CUL2: variants seen among roughly 807,000 people sequenced by gnomAD.
The protein encoded by CUL2 is cullin-2.
Under a neutral mutation model 110.2 loss-of-function variants are expected in CUL2, and 22 were observed. The ratio of observed to expected loss-of-function variants is 0.20; its 90% CI spans 0.14 to 0.28. The LOEUF (loss-of-function observed/expected upper bound fraction) is 0.28, where lower values mean the gene tolerates loss of function less well. CUL2 is among the 10% of genes least tolerant of loss of function. The probability of loss-of-function intolerance (pLI) is 1.00; values close to 1 mark genes in which losing one functional copy is unlikely to be tolerated. For missense variants in CUL2, 631 were observed against 905.5 expected, an observed-to-expected ratio of 0.70 and a Z score of 3.89; for synonymous variants, 279 against 293.2, an observed-to-expected ratio of 0.95 and a Z score of 0.49.
intron 2 of CUL2, chr10:35,097,963 AAATT>A (rs1425976380): frequency 6.6e-6 from 1 of 152,076 alleles, no homozygotes; most frequent in Non-Finnish European, 1.5e-5. Flanking sequence ...TGACTCAAAA[AAATT>A]AATTAATTAA....
intron 1 of CUL2, among the ~76,000 whole-genome samples, chr10:35,115,267 A>G (rs562903466): frequency 6.6e-6 from 1 of 151,312 alleles, no homozygotes; most frequent in East Asian, 2.0e-4. Context: ...AATGGAGCAC[A>G]AAGAGAAAAC....
intron 2 of CUL2, among the ~76,000 whole-genome samples, chr10:35,099,994 C>T (rs1006675295): frequency 2.6e-5 from 4 of 151,894 alleles, no homozygotes; most frequent in Non-Finnish European, 4.4e-5. Flanking sequence ...TTTCTAGAGA[C>T]AGAGTCTTGC....
chr10:35,078,420 C>G (rs1392628820), intron 1 of CUL2, among the ~76,000 whole-genome samples: 3 of 151,920 alleles, frequency 2.0e-5, no homozygotes, highest in African/African-American at 7.3e-5. Context: ...CTCAGCCTCC[C>G]AAGTAGCTGG....
intron 4 of CUL2, among the ~76,000 whole-genome samples, chr10:35,060,286 A>C (rs574105944): frequency 6.6e-6 from 1 of 152,266 alleles, no homozygotes; most frequent in Admixed American, 6.5e-5. Flanking sequence ...AAAAAAGGAC[A>C]AAATAAAAGA....
intron 8 of CUL2, among the ~76,000 whole-genome samples, chr10:35,044,133 C>T (rs1324750576): frequency 6.7e-6 from 1 of 150,292 alleles, no homozygotes; most frequent in South Asian, 2.1e-4. Flanking sequence ...AAAAGAGTGA[C>T]TCATCCAAAT....
rs1292627589 is a variant in CUL2, at chr10:35,075,519, A to C, written c.-22-4180T>G. Among the ~76,000 whole-genome samples, 4 of 152,092 alleles carry C rather than the reference A, an allele frequency of 2.6e-5. No homozygotes were observed. In the East Asian group the frequency reaches 7.7e-4, roughly 29 times the overall value. ...GTGTCCCATCAAGTTAACTGCAAAA[A>C]TCCAAATCTCCTGAAATCACCACAG... is the stretch of plus-strand genomic sequence containing the variant. On this transcript the variant is annotated intron_variant, in intron 1 of 20. Coordinates refer to ENST00000374749, the MANE Select transcript of CUL2 (RefSeq NM_003591.4).
rs549643427 is a variant in CUL2 at position 35,029,338 on chromosome 10, T to C, written c.1539+150A>G. ...TCTGAAAGTGCTGGGATTACAGGCA[T>C]AAGCCACCACGCCCAGCCCAAATCA... On this transcript the variant is annotated intron_variant, in intron 15 of 20. Transcript: ENST00000374749. 7.3e-6 allele frequency: 4 copies of C among 546,664 alleles called. No individual in the cohort carries two copies. The South Asian group carries it at 1.3e-4, about 18-fold the overall frequency. The allele number at this position is 546,664 out of a possible 1,614,324, so 33.9% of individuals were successfully genotyped here. A position where few individuals can be genotyped will look rare whatever the true frequency, so the allele number is the denominator to read the frequency against.
chr10:35,103,417 C>T (rs1034284825), intron 1 of CUL2, among the ~76,000 whole-genome samples: 21 of 148,062 alleles, frequency 1.4e-4, no homozygotes, highest in South Asian at 6.4e-4. Flanking sequence ...CTCCGCCTCC[C>T]GGGTTCACGC....
intron 1 of CUL2, among the ~76,000 whole-genome samples, chr10:35,075,287 T>C (rs1356548346): frequency 6.6e-6 from 1 of 152,156 alleles, no homozygotes; most frequent in African/African-American, 2.4e-5. Flanking sequence ...AGAAAGCTCA[T>C]ATAACTAGGA....
chr10:35,061,769 GTTTTTT>G (rs570989508), intron 3 of CUL2, among the ~76,000 whole-genome samples: 7 of 128,522 alleles, frequency 5.4e-5, no homozygotes, highest in Admixed American at 2.4e-4. Context: ...ACTTATGAGG[GTTTTTT>G]TTTTTTTTTT....
intron 1 of CUL2, chr10:35,118,568 T>A (rs2087635833): frequency 6.6e-6 from 1 of 152,250 alleles, no homozygotes; most frequent in Non-Finnish European, 1.5e-5. Flanking sequence ...TCTATTAAGC[T>A]TATTTTCAAT....
chr10:35,048,620 A>G (rs1253191162), intron 6 of CUL2, among the ~76,000 whole-genome samples: 3 of 152,198 alleles, frequency 2.0e-5, no homozygotes, highest in African/African-American at 7.2e-5. Context: ...TTTAGTTCAC[A>G]GTTTTGTAAA....
At chr10:35,083,676 A>G (rs1329755617) in intron 1 of CUL2, among the ~76,000 whole-genome samples, 1 of 152,208 alleles carries the variant, frequency 6.6e-6, no homozygotes, top group Non-Finnish European at 1.5e-5. Flanking sequence ...AACAAATCAG[A>G]GCAACAAAAT....
At chr10:35,034,022 T>C (rs993508951) in intron 10 of CUL2, among the ~76,000 whole-genome samples, 3 of 152,214 alleles carry the variant, frequency 2.0e-5, no homozygotes, top group African/African-American at 7.2e-5. Context: ...AGAGACCCCT[T>C]GAACTCGGCA....
chr10:35,037,466 C>T, intron 9 of CUL2, among the ~76,000 whole-genome samples: 1 of 152,194 alleles, frequency 6.6e-6, no homozygotes, highest in Non-Finnish European at 1.5e-5. Context: ...TTCCATCATA[C>T]TCTTCAAGAC....
rs768731796 is a variant in CUL2 at position 35,060,907 on chromosome 10, C to T, written c.284G>A (p.Ser95Asn). The change falls in exon 4 of 21, where the codon AGC (serine) becomes AAC (asparagine). Residue 95 changes from serine to asparagine, a missense_variant. Transcript: ENST00000374749. ...VMYHRYWEEY[S>N]KGADYMDCLY... Reference sequence around the variant, plus strand: ...GCAGTCCATATAGTCTGCACCCTTGCTGTATTCTTCCCAGTACCTATGATA... The same window carrying T: ...GCAGTCCATATAGTCTGCACCCTTGTTGTATTCTTCCCAGTACCTATGATA... The T allele has an allele frequency of 1.6e-5, 26 of 1,613,908 alleles. No individual in the cohort carries two copies. Among genetic ancestry groups the T allele is most frequent in the Non-Finnish European group, 1.7e-6 (2 of 1,179,940 alleles).
chr10:35,071,292 T>C lies in CUL2; in HGVS notation c.26A>G (p.Asp9Gly). 1 of 1,613,656 alleles carries C rather than the reference T, an allele frequency of 6.2e-7. No homozygotes were observed. The highest frequency in any genetic ancestry group is 8.5e-7 in the Non-Finnish European group (1 of 1,179,512). ...AAGTTTGTTCCATGTTTCATCAAAA[T>C]CTACTACTCTTGGTTTCAAAGACAT... is the stretch of plus-strand genomic sequence containing the variant. MSLKPRVV[D>G]FDETWNKLLT... The change falls in exon 2 of 21, where the codon GAT becomes GGT. Residue 9 changes from aspartate to glycine, a missense_variant. This residue lies in a region of CUL2 where 338 missense variants were observed against 442.5 expected (regional missense o/e 0.76). Transcript: ENST00000374749.
intron 1 of CUL2, among the ~76,000 whole-genome samples, chr10:35,123,607 T>A (rs772344340): frequency 3.3e-4 from 50 of 152,104 alleles, no homozygotes; most frequent in Non-Finnish European, 8.8e-5. Flanking sequence ...CTGAATGACA[T>A]GAGTAGAAGA....
At position 35,043,546 on chromosome 10, in the gene CUL2, C is replaced by T. The variant is rs183228541; in HGVS notation, c.714+1020G>A. Among the ~76,000 whole-genome samples the T allele has an allele frequency of 5.0e-3, 767 of 152,290 alleles. 49 individuals are homozygous for T. In the South Asian group the frequency reaches 0.13, roughly 26 times the overall value. On this transcript the variant is annotated intron_variant, in intron 8 of 20. Coordinates refer to ENST00000374749, the MANE Select transcript of CUL2 (RefSeq NM_003591.4). ...GGCCTAGGGATGTAGGATGACAGCT[C>T]ACCCACTTAAACTACTCGACCTTTC...
Sources: gnomAD v4.1 joint callset for allele counts (sites outside exome capture counted in the v4.1 genomes callset) on GRCh38, gnomAD v4.1.1 for gene constraint, gnomAD v4.1.1 regional missense constraint, MANE v1.5 for transcripts, NCBI Gene and HGNC (gene_info 2026-07-23, HGNC 2026-07-21) for gene names.